Variants in PHACTR1 observed in about 807,000 individuals in gnomAD.
PHACTR1 encodes the protein RPEL repeat containing 1.
Under a neutral mutation model 69.2 loss-of-function variants are expected in PHACTR1, and 16 were observed. That is an observed-to-expected ratio of 0.23 (90% CI 0.16 to 0.35). The LOEUF is 0.35. Among genes scored for constraint, PHACTR1 ranks in the 10% least tolerant of loss-of-function variants. PHACTR1 has a pLI of 1.00. For missense variants in PHACTR1, 510 were observed against 734.7 expected (o/e 0.69, Z 3.54); for synonymous variants, 312 against 284.5 (o/e 1.10, Z -0.97).
chr6:13,069,541 A>G (rs1200101970), intron 5 of PHACTR1, among the ~76,000 whole-genome samples: 4 of 151,818 alleles, frequency 2.6e-5, no homozygotes, highest in Non-Finnish European at 4.4e-5. Flanking sequence ...ACTTCTCTTC[A>G]TGTTCAACAT....
At chr6:12,811,042 A>C (rs1237371736) in intron 4 of PHACTR1, among the ~76,000 whole-genome samples, 1 of 151,974 alleles carries the variant, frequency 6.6e-6, no homozygotes, top group South Asian at 2.1e-4. Flanking sequence ...GGGTGCTCTG[A>C]GGACTTCTTC....
intron 4 of PHACTR1, among the ~76,000 whole-genome samples, chr6:12,931,115 A>G (rs983917796): frequency 6.6e-6 from 1 of 152,146 alleles, no homozygotes; most frequent in East Asian, 1.9e-4. Context: ...GCTTTAAAAT[A>G]TAGTGGCTTA....
intron 7 of PHACTR1, among the ~76,000 whole-genome samples, chr6:13,186,666 G>C (rs1020043305): frequency 5.3e-5 from 8 of 152,296 alleles, no homozygotes; most frequent in African/African-American, 1.9e-4. Context: ...GCAGAATACT[G>C]TACTAAGTAT....
chr6:13,040,580 T>C (rs1050055042), intron 4 of PHACTR1, among the ~76,000 whole-genome samples: 3 of 152,274 alleles, frequency 2.0e-5, no homozygotes, highest in African/African-American at 4.8e-5. Flanking sequence ...ATGAGTCTTA[T>C]TGGATAGTCA....
chr6:13,156,492 C>G (rs1167725341), intron 5 of PHACTR1, among the ~76,000 whole-genome samples: 1 of 152,214 alleles, frequency 6.6e-6, no homozygotes, highest in African/African-American at 2.4e-5. Flanking sequence ...TTGAGTCATA[C>G]ACTTGGAGCC....
intron 10 of PHACTR1, among the ~76,000 whole-genome samples, chr6:13,252,170 C>T (rs1490498627): frequency 1.4e-5 from 2 of 144,710 alleles, no homozygotes; most frequent in Non-Finnish European, 1.5e-5. Context: ...CAGGGCAGAT[C>T]GCTTAGACCA....
intron 5 of PHACTR1, among the ~76,000 whole-genome samples, chr6:13,087,852 G>A (rs1812562889): frequency 6.6e-6 from 1 of 151,950 alleles, no homozygotes; most frequent in African/African-American, 2.4e-5. Flanking sequence ...TCACCGTGCT[G>A]CCCGGGCTAA....
intron 6 of PHACTR1, among the ~76,000 whole-genome samples, chr6:13,165,408 CTATG>C (rs1759648529): frequency 1.3e-5 from 2 of 152,182 alleles, no homozygotes; most frequent in African/African-American, 4.8e-5. Flanking sequence ...GGCTCCCGGG[CTATG>C]TATGTATTTA....
At chr6:12,957,361 A>G (rs1477215340) in intron 4 of PHACTR1, 1 of 984,762 alleles carries the variant, frequency 1.0e-6, no homozygotes, top group African/African-American at 1.8e-5. Context: ...TTGCTGAGTC[A>G]GAAGACTCCC....
At chr6:13,233,551 G>T (rs1459241683) in intron 10 of PHACTR1, among the ~76,000 whole-genome samples, 2 of 152,204 alleles carry the variant, frequency 1.3e-5, no homozygotes, top group African/African-American at 4.8e-5. Context: ...TTCACAGGGT[G>T]GCTGGAGAGA....
rs1170859458 is a variant in PHACTR1, at chr6:13,179,995, A to AT, written c.497-2517dup. On this transcript the variant is annotated intron_variant, in intron 6 of 14. Transcript: ENST00000332995. The surrounding 1 kb of genome is among the most constrained non-coding windows in gnomAD (Gnocchi z 4.2). The stretch of plus-strand genomic sequence containing the variant: ...TATGCAAGACGATGGTCCTCACTGC[A>AT]TTTTTTTCATAATAGCATAAGTCTA... 9.9e-5 allele frequency among the ~76,000 whole-genome samples: 15 copies of AT among 152,136 alleles called. No individual in the cohort carries two copies. Among genetic ancestry groups the AT allele is most frequent in the African/African-American group, 3.6e-4 (15 of 41,436 alleles).
chr6:12,965,320 C>T (rs925375656), intron 4 of PHACTR1, among the ~76,000 whole-genome samples: 5 of 152,118 alleles, frequency 3.3e-5, no homozygotes, highest in South Asian at 2.1e-4. Flanking sequence ...GTCCTTGTGG[C>T]GTTTTCACAG....
At chr6:12,927,462 A>C (rs1788397422) in intron 4 of PHACTR1, among the ~76,000 whole-genome samples, 1 of 152,078 alleles carries the variant, frequency 6.6e-6, no homozygotes, top group African/African-American at 2.4e-5. Flanking sequence ...TGTAGGAACA[A>C]CTCTAAGTGC....
chr6:12,873,537 A>C lies in PHACTR1; in HGVS notation c.250+123747A>C, dbSNP rs549497667. 3.9e-5 allele frequency among the ~76,000 whole-genome samples: 6 copies of C among 152,242 alleles called. No homozygotes were observed. The East Asian group carries it at 1.2e-3, about 29-fold the overall frequency. On this transcript the variant is annotated intron_variant, in intron 4 of 14. Coordinates refer to ENST00000332995, the MANE Select transcript of PHACTR1 (RefSeq NM_030948.6). ...TCAGAAGTTAGTGGAAGAGAAAAAA[A>C]GGTTCAATACAGGTAAGTATACGTT... is the stretch of plus-strand genomic sequence containing the variant.
chr6:12,834,374 T>G (rs1777924421), intron 4 of PHACTR1, among the ~76,000 whole-genome samples: 1 of 152,202 alleles, frequency 6.6e-6, no homozygotes, highest in African/African-American at 2.4e-5. Flanking sequence ...CTGGGGAGTT[T>G]GAGCTTGTGA....
At chr6:12,824,763 A>T (rs567301185) in intron 4 of PHACTR1, among the ~76,000 whole-genome samples, 1 of 152,114 alleles carries the variant, frequency 6.6e-6, no homozygotes, top group Non-Finnish European at 1.5e-5. Flanking sequence ...TATTTCAGGA[A>T]ATTAACTTTA....
chr6:12,838,875 A>G lies in PHACTR1; in HGVS notation c.250+89085A>G, dbSNP rs539902507. On this transcript the variant is annotated intron_variant, in intron 4 of 14. Transcript: ENST00000332995. ...GTTTGATAAGCCTTATCTGCATCTC[A>G]GGTCTCTGGTCTCTAGGGTCTTCGG... Among the ~76,000 whole-genome samples, 7 of 152,262 alleles carry G rather than the reference A, an allele frequency of 4.6e-5. No individual in the cohort carries two copies. The South Asian group carries it at 1.5e-3, about 32-fold the overall frequency.
intron 10 of PHACTR1, among the ~76,000 whole-genome samples, chr6:13,251,929 C>A (rs1774475954): frequency 6.6e-6 from 1 of 151,600 alleles, no homozygotes. Flanking sequence ...GTGGCACACA[C>A]CTATAGTCCC....
intron 4 of PHACTR1, among the ~76,000 whole-genome samples, chr6:12,890,573 T>C (rs1784080956): frequency 6.6e-6 from 1 of 152,154 alleles, no homozygotes; most frequent in Non-Finnish European, 1.5e-5. Context: ...GCCACCTTGT[T>C]CCTGAACACA....
Sources: gnomAD v4.1 joint callset for allele counts (sites outside exome capture counted in the v4.1 genomes callset) on GRCh38, gnomAD v4.1.1 for gene constraint, Gnocchi (gnomAD v3.1) non-coding constraint, MANE v1.5 for transcripts, NCBI Gene and HGNC (gene_info 2026-07-23, HGNC 2026-07-21) for gene names.